LRBA: variants seen among roughly 807,000 people sequenced by gnomAD.
LRBA encodes lipopolysaccharide-responsive and beige-like anchor protein.
In LRBA, 176 loss-of-function variants were observed where a neutral mutation model predicts 330.0. That is an observed-to-expected ratio of 0.53 (90% CI 0.47 to 0.60). The LOEUF is 0.60. LRBA is among the 20% of genes least tolerant of loss of function. The probability of loss-of-function intolerance (pLI) is 0.00; values close to 1 mark genes in which losing one functional copy is unlikely to be tolerated. For missense variants in LRBA, 3,259 were observed against 3,444.8 expected (o/e 0.95, Z 1.35); for synonymous variants, 1,230 against 1,193.0 (o/e 1.03, Z -0.64).
intron 40 of LRBA, among the ~76,000 whole-genome samples, chr4:150,560,926 G>A (rs1044846403): frequency 2.0e-5 from 3 of 151,828 alleles, no homozygotes; most frequent in African/African-American, 7.3e-5. Flanking sequence ...TGGAGGTTGC[G>A]GTGAGCCAAG....
Position 151,014,505 on chromosome 4 carries a change from C to T in LRBA, c.138G>A (p.Met46Ile). The change falls in exon 2 of 57, where the codon ATG becomes ATA. Residue 46 changes from methionine to isoleucine, a missense_variant. By Grantham distance (10) the Met-to-Ile change is conservative. Coordinates refer to ENST00000651943, the MANE Select transcript of LRBA (RefSeq NM_001364905.1). The part of the protein sequence containing the change: ...KPGLPIRGIR[M>I]KFAVLTGLVE... The stretch of plus-strand genomic sequence containing the variant: ...CCAAACCGGTCAACACGGCAAATTT[C>T]ATTCTGATGCCCCTGATGGGGAGCC... The T allele has an allele frequency of 6.2e-7, 1 of 1,614,244 alleles. No homozygotes were observed. Among genetic ancestry groups the T allele is most frequent in the Non-Finnish European group, 8.5e-7 (1 of 1,180,042 alleles).
chr4:150,865,368 A>C (rs1199951627), intron 22 of LRBA, among the ~76,000 whole-genome samples: 1 of 152,202 alleles, frequency 6.6e-6, no homozygotes, highest in Admixed American at 6.5e-5. Flanking sequence ...ATGTATGATT[A>C]TCCTTATAGT....
chr4:150,443,435 C>T (rs1008446845), intron 44 of LRBA, among the ~76,000 whole-genome samples: 2 of 152,164 alleles, frequency 1.3e-5, no homozygotes, highest in Non-Finnish European at 2.9e-5. Flanking sequence ...ACAGCAAAGA[C>T]TTGGAACCAA....
intron 37 of LRBA, among the ~76,000 whole-genome samples, chr4:150,602,783 A>G (rs567515223): frequency 6.6e-6 from 1 of 152,310 alleles, no homozygotes; most frequent in South Asian, 2.1e-4. Context: ...CCCTCTTCCC[A>G]AAAGGTTATA....
At chr4:150,780,156 T>A (rs1223912126) in intron 34 of LRBA, among the ~76,000 whole-genome samples, 1 of 152,164 alleles carries the variant, frequency 6.6e-6, no homozygotes, top group Non-Finnish European at 1.5e-5. Flanking sequence ...ACAACCACTG[T>A]AAACTGGCAC....
intron 22 of LRBA, among the ~76,000 whole-genome samples, chr4:150,866,747 A>C (rs1752742990): frequency 6.6e-6 from 1 of 152,220 alleles, no homozygotes; most frequent in Non-Finnish European, 1.5e-5. Context: ...GTCATGCAAT[A>C]CATTACAATT....
intron 34 of LRBA, among the ~76,000 whole-genome samples, chr4:150,785,520 G>A (rs1318360544): frequency 1.3e-5 from 2 of 152,308 alleles, no homozygotes; most frequent in Non-Finnish European, 2.9e-5. Context: ...TCCTTGTCAA[G>A]GCTAGTTTGG....
Position 150,908,771 on chromosome 4 carries a change from G to A in LRBA, c.1248C>T (p.Ala416=), listed in dbSNP as rs781723858. ...LLLYDGKLSS[A]IAFTYNPRAT... ...CCCGTGGATTGTACGTGAATGCAAT[G>A]GCACTAGAGAGTTTCCCATCGTACA... Residue 416 remains alanine, a synonymous_variant, in exon 10 of 57, where the codon GCC becomes GCT. Transcript: ENST00000651943. The A allele has an allele frequency of 3.3e-5, 54 of 1,613,638 alleles. No homozygotes were observed. The East Asian group carries it at 1.2e-3, about 35-fold the overall frequency.
intron 46 of LRBA, among the ~76,000 whole-genome samples, chr4:150,417,915 G>T (rs1748016192): frequency 6.6e-6 from 1 of 151,736 alleles, no homozygotes; most frequent in Non-Finnish European, 1.5e-5. Flanking sequence ...TTGTATATTT[G>T]TCTGTATCTT....
chr4:150,313,595 T>C (rs1398649729), intron 51 of LRBA, among the ~76,000 whole-genome samples: 1 of 152,062 alleles, frequency 6.6e-6, no homozygotes, highest in African/African-American at 2.4e-5. Flanking sequence ...ATTTTGTATA[T>C]GTAGTTTTAT....
intron 40 of LRBA, among the ~76,000 whole-genome samples, chr4:150,511,072 G>C (rs1761778765): frequency 6.6e-6 from 1 of 152,048 alleles, no homozygotes; most frequent in Non-Finnish European, 1.5e-5. Context: ...TGGCTAGGCT[G>C]GTCTCAAATT....
chr4:150,302,195 T>C (rs1274222218), intron 53 of LRBA, among the ~76,000 whole-genome samples: 1 of 152,234 alleles, frequency 6.6e-6, no homozygotes, highest in Non-Finnish European at 1.5e-5. Flanking sequence ...TGACCTGTTT[T>C]ATCTTTTTAA....
intron 17 of LRBA, among the ~76,000 whole-genome samples, chr4:150,873,316 T>C (rs932898282): frequency 2.0e-5 from 3 of 152,148 alleles, no homozygotes; most frequent in African/African-American, 7.2e-5. Context: ...GGCAGCTGGA[T>C]GCAGTGGCTC....
chr4:150,870,470 A>T (rs1315772684), intron 20 of LRBA, 55 bp downstream of exon 20: 2 of 901,380 alleles, frequency 2.2e-6, no homozygotes, highest in African/African-American at 3.3e-5. Flanking sequence ...GTTCACAGTG[A>T]CTTTCTTTTT....
At position 150,310,348 on chromosome 4, in the gene LRBA, T is replaced by A; in HGVS notation, c.7730A>T (p.Asp2577Val). 3 of 1,613,390 alleles carry A rather than the reference T, an allele frequency of 1.9e-6. No homozygotes were observed. Among genetic ancestry groups the A allele is most frequent in the Non-Finnish European group, 2.5e-6 (3 of 1,179,538 alleles). Residue 2577 changes from aspartate to valine, a missense_variant, in exon 52 of 57, where the codon GAC becomes GTC. Physicochemically the swap from Asp to Val is radical, Grantham distance 152. Coordinates refer to ENST00000651943, the MANE Select transcript of LRBA (RefSeq NM_001364905.1). Reference protein sequence around the residue: ...NTGMHRRQITDLLDQSIQVHS... With the variant: ...NTGMHRRQITVLLDQSIQVHS... ...CACTTGAATACTTTGGTCTAAAAGG[T>A]CAGTGATTTGCCTCCTGTGCATTCC...
intron 35 of LRBA, among the ~76,000 whole-genome samples, chr4:150,746,844 C>G: frequency 6.6e-6 from 1 of 152,046 alleles, no homozygotes; most frequent in Non-Finnish European, 1.5e-5. Flanking sequence ...TTTCCGGTGC[C>G]CTTCACTGGA....
At chr4:150,651,546 A>G (rs1001912225) in intron 37 of LRBA, among the ~76,000 whole-genome samples, 2 of 152,218 alleles carry the variant, frequency 1.3e-5, no homozygotes, top group Non-Finnish European at 2.9e-5. Context: ...CAATAAATCT[A>G]TAATATTTAT....
At chr4:150,351,410 C>A (rs1737132863) in intron 47 of LRBA, among the ~76,000 whole-genome samples, 1 of 152,054 alleles carries the variant, frequency 6.6e-6, no homozygotes, top group Non-Finnish European at 1.5e-5. Flanking sequence ...ATACAGTAGG[C>A]CGGGCACGGT....
In LRBA at chr4:150,278,021, C is replaced by A; in HGVS notation, c.8317-17G>T. The A allele has an allele frequency of 6.2e-7, 1 of 1,611,408 alleles. No individual in the cohort carries two copies. The highest frequency in any genetic ancestry group is 8.5e-7 in the Non-Finnish European group (1 of 1,178,350). ...CTGGATGGCCTGTGAGACACAGCAA[C>A]ATTCAGTAGAAATGTGGTTCTAGGA... On this transcript the variant is annotated splice_polypyrimidine_tract_variant and intron_variant, in intron 55 of 56. Transcript: ENST00000651943.
Sources: gnomAD v4.1 joint callset for allele counts (sites outside exome capture counted in the v4.1 genomes callset) on GRCh38, gnomAD v4.1.1 for gene constraint, MANE v1.5 for transcripts, NCBI Gene and HGNC (gene_info 2026-07-23, HGNC 2026-07-21) for gene names.